CD109: variants seen among roughly 807,000 people sequenced by gnomAD.
CD109 encodes CD109 molecule.
Under a neutral mutation model 165.8 loss-of-function variants are expected in CD109, and 149 were observed. That is an observed-to-expected ratio of 0.90 (90% CI 0.79 to 1.03). CD109 has a LOEUF of 1.03. Among genes scored for constraint, CD109 ranks in the 50% least tolerant of loss-of-function variants. The pLI is 0.00. For synonymous variants in CD109, 585 were observed against 592.1 expected, an observed-to-expected ratio of 0.99 and a Z score of 0.18; for missense variants, 1,712 against 1,677.8, an observed-to-expected ratio of 1.02 and a Z score of -0.36.
intron 3 of CD109, among the ~76,000 whole-genome samples, chr6:73,729,499 T>C (rs1772269864): frequency 7.7e-6 from 1 of 130,218 alleles, no homozygotes; most frequent in Admixed American, 7.2e-5. Context: ...TTGTTATTAT[T>C]ATTATTATTA....
chr6:73,763,025 TCTAAGTTG>T (rs1256444751), intron 9 of CD109, 143 bp downstream of exon 9: 1 of 752,840 alleles, frequency 1.3e-6, no homozygotes, highest in African/African-American at 1.8e-5. Flanking sequence ...TGACTGTTAG[TCTAAGTTG>T]CAGGATGATT....
At chr6:73,725,413 G>A (rs754884166) in intron 3 of CD109, among the ~76,000 whole-genome samples, 1 of 151,930 alleles carries the variant, frequency 6.6e-6, no homozygotes, top group East Asian at 1.9e-4. Flanking sequence ...AGGAGAAGGC[G>A]GGGCAAGGGC....
chr6:73,798,110 G>GTTTTTTTTTTT (rs57382539), intron 23 of CD109, among the ~76,000 whole-genome samples: 1 of 142,518 alleles, frequency 7.0e-6, no homozygotes, highest in African/African-American at 2.6e-5. Flanking sequence ...TCAGTGTCCT[G>GTTTTTTTTTTT]TTTTTTTTTT....
At chr6:73,769,088 C>T (rs549691407) in intron 14 of CD109, among the ~76,000 whole-genome samples, 2 of 152,080 alleles carry the variant, frequency 1.3e-5, no homozygotes, top group Admixed American at 6.6e-5. Context: ...GAGGGTTTTG[C>T]CATGTTGCTC....
intron 15 of CD109, among the ~76,000 whole-genome samples, chr6:73,778,419 C>T (rs1774344483): frequency 6.6e-6 from 1 of 152,134 alleles, no homozygotes; most frequent in African/African-American, 2.4e-5. Context: ...CCTGATTGCC[C>T]TGGCCAGAAC....
intron 15 of CD109, among the ~76,000 whole-genome samples, chr6:73,776,517 G>T (rs1262234605): frequency 6.7e-6 from 1 of 149,430 alleles, no homozygotes; most frequent in Non-Finnish European, 1.5e-5. Flanking sequence ...CTCCTAAAGT[G>T]CTGGGATTGC....
intron 2 of CD109, among the ~76,000 whole-genome samples, chr6:73,710,923 A>G (rs928159257): frequency 3.3e-5 from 5 of 152,236 alleles, no homozygotes; most frequent in African/African-American, 1.2e-4. Context: ...GTTGTGTACC[A>G]GCAGAACTTT....
chr6:73,748,619 G>A (rs1330159389), intron 5 of CD109, among the ~76,000 whole-genome samples: 2 of 152,228 alleles, frequency 1.3e-5, no homozygotes, highest in African/African-American at 4.8e-5. Context: ...ATGAATGAAT[G>A]CATTTGTTGT....
chr6:73,812,563 T>C (rs940197885), intron 29 of CD109, among the ~76,000 whole-genome samples: 18 of 152,250 alleles, frequency 1.2e-4, no homozygotes, highest in Non-Finnish European at 1.5e-4. Context: ...AACAAATACA[T>C]GTTTTACTTA....
chr6:73,737,625 CCACTGT>C (rs1204786098), intron 5 of CD109, among the ~76,000 whole-genome samples: 3 of 152,254 alleles, frequency 2.0e-5, no homozygotes, highest in Non-Finnish European at 4.4e-5. Context: ...GTAATAATAA[CCACTGT>C]TATAAATGGC....
At chr6:73,711,305 CTTTG>C (rs1157459271) in intron 2 of CD109, among the ~76,000 whole-genome samples, 22 of 151,624 alleles carry the variant, frequency 1.5e-4, no homozygotes, top group South Asian at 2.1e-4. Context: ...TGGAACAAAA[CTTTG>C]TTTATGAAAC....
At position 73,720,762 on chromosome 6, in the gene CD109, T is replaced by C. The variant is rs149171088; in HGVS notation, c.248-2489T>C. Among the ~76,000 whole-genome samples, 500 of 152,376 alleles carry C rather than the reference T, an allele frequency of 3.3e-3. 2 individuals are homozygous for C. Among genetic ancestry groups the C allele is most frequent in the Non-Finnish European group, 5.7e-3 (389 of 68,032 alleles). ...ATCCAGGACAAATGCTAAATCAGGA[T>C]GCTGGAATAACAGCGTCAACTGGGA... On this transcript the variant is annotated intron_variant, in intron 2 of 32. Coordinates refer to ENST00000287097, the MANE Select transcript of CD109 (RefSeq NM_133493.5).
At chr6:73,722,030 C>T in intron 2 of CD109, among the ~76,000 whole-genome samples, 1 of 152,178 alleles carries the variant, frequency 6.6e-6, no homozygotes, top group Non-Finnish European at 1.5e-5. Context: ...GCCACTGTGC[C>T]TGGCTATAAA....
In CD109 at chr6:73,806,954, A is replaced by T; in HGVS notation, c.3071A>T (p.Asn1024Ile). ...YTWLKGHQKS[N>I]GEFWDPGRVI... ...TGGCTTAAAGGACATCAGAAATCCA[A>T]CGGTGAATTTTGGGATCCAGGAAGA... Residue 1024 changes from asparagine to isoleucine, a missense_variant, in exon 25 of 33, where the codon AAC becomes ATC. Transcript: ENST00000287097. The T allele has an allele frequency of 6.2e-7, 1 of 1,613,996 alleles. No individual in the cohort carries two copies. Among genetic ancestry groups the T allele is most frequent in the South Asian group, 1.1e-5 (1 of 91,068 alleles).
chr6:73,757,603 T>C (rs377172347), intron 6 of CD109, among the ~76,000 whole-genome samples: 14 of 152,366 alleles, frequency 9.2e-5, no homozygotes, highest in African/African-American at 3.4e-4. Flanking sequence ...CCACTTGCCA[T>C]GTGTGGCTGT....
chr6:73,712,757 T>C (rs552477977), intron 2 of CD109, among the ~76,000 whole-genome samples: 6 of 152,346 alleles, frequency 3.9e-5, no homozygotes, highest in Non-Finnish European at 7.3e-5. Flanking sequence ...TCTGAGTTGC[T>C]TAAGCAGCCC....
chr6:73,791,453 C>T (rs1002139319), intron 22 of CD109, among the ~76,000 whole-genome samples: 4 of 151,196 alleles, frequency 2.6e-5, no homozygotes, highest in Non-Finnish European at 5.9e-5. Context: ...GGGACATGCA[C>T]TACACATACA....
In CD109 at chr6:73,730,449, A is replaced by G; in HGVS notation, c.382A>G (p.Arg128Gly). The G allele has an allele frequency of 6.2e-7, 1 of 1,613,782 alleles. No individual in the cohort carries two copies. Among genetic ancestry groups the G allele is most frequent in the Non-Finnish European group, 8.5e-7 (1 of 1,179,642 alleles). Residue 128 changes from arginine to glycine, a missense_variant, in exon 4 of 33, where the codon AGA becomes GGA. Transcript: ENST00000287097. ...NSTRLSFETK[R>G]ISVFIQTDKA... ...TACCCGCTTATCATTTGAGACCAAG[A>G]GAATATCTGTCTTCATTCAAACAGA...
At chr6:73,800,320 G>A (rs1177566903) in intron 23 of CD109, among the ~76,000 whole-genome samples, 3 of 152,050 alleles carry the variant, frequency 2.0e-5, no homozygotes, top group Non-Finnish European at 4.4e-5. Flanking sequence ...TGTCATGTGT[G>A]TGTACCATAG....
Sources: allele counts gnomAD v4.1 joint callset (sites outside exome capture counted in the v4.1 genomes callset), GRCh38; gene constraint gnomAD v4.1.1; transcripts MANE v1.5; gene names NCBI Gene and HGNC (gene_info 2026-07-23, HGNC 2026-07-21).